Variants in DACH2 observed in about 807,000 individuals in gnomAD.
The protein encoded by DACH2 is dachshund family transcription factor 2.
In DACH2, 17 loss-of-function variants were observed where a neutral mutation model predicts 35.8. The observed-to-expected ratio is 0.48, with a 90% CI of 0.33 to 0.71. The LOEUF (loss-of-function observed/expected upper bound fraction) is 0.71, where lower values mean the gene tolerates loss of function less well. Ranked by LOEUF, DACH2 falls within the 30% of genes least tolerant of loss-of-function variation. The pLI is 0.02. For missense variants in DACH2, 469 were observed against 472.7 expected, an observed-to-expected ratio of 0.99 and a Z score of 0.07; for synonymous variants, 195 against 177.3, an observed-to-expected ratio of 1.10 and a Z score of -0.79.
At chrX:86,717,826 T>C (rs1457515452) in intron 6 of DACH2, among the ~76,000 whole-genome samples, 1 of 105,076 alleles carries the variant, frequency 9.5e-6, no homozygotes, top group Non-Finnish European at 1.9e-5. Context: ...CCTAAAAAAG[T>C]GCAAGATATA....
chrX:86,713,329 T>G (rs1179302452), intron 5 of DACH2, among the ~76,000 whole-genome samples: 1 of 111,715 alleles, frequency 9.0e-6, no homozygotes, highest in African/African-American at 3.2e-5. Context: ...ACTGCCACTT[T>G]GTTTTGAGGA....
intron 7 of DACH2, among the ~76,000 whole-genome samples, chrX:86,770,308 T>C (rs1026120767): frequency 3.6e-5 from 4 of 111,661 alleles, no homozygotes; most frequent in African/African-American, 1.3e-4. Flanking sequence ...TTTCAATGTG[T>C]TGAAGGATAC....
At chrX:86,450,769 G>A (rs1160807919) in intron 2 of DACH2, among the ~76,000 whole-genome samples, 2 of 109,524 alleles carry the variant, frequency 1.8e-5, no homozygotes, top group Non-Finnish European at 3.8e-5. Flanking sequence ...CATTCTGACT[G>A]GCATGAGATG....
chrX:86,806,699 C>T (rs1212910192), intron 7 of DACH2, among the ~76,000 whole-genome samples: 2 of 112,231 alleles, frequency 1.8e-5, no homozygotes, highest in Non-Finnish European at 3.8e-5. Context: ...GTGTGGATTA[C>T]TCCACTTGTG....
At chrX:86,465,930 C>T (rs756864989) in intron 2 of DACH2, among the ~76,000 whole-genome samples, 14 of 111,545 alleles carry the variant, frequency 1.3e-4, no homozygotes, top group African/African-American at 4.2e-4. Context: ...GCTGTACAAT[C>T]GATATGCAAA....
chrX:86,375,918 G>A (rs1253479876), intron 1 of DACH2, among the ~76,000 whole-genome samples: 3 of 110,339 alleles, frequency 2.7e-5, no homozygotes, highest in Non-Finnish European at 5.7e-5. Context: ...GTATTACTAA[G>A]AAGTACATTA....
At chrX:86,162,139 A>G (rs978832663) in intron 1 of DACH2, among the ~76,000 whole-genome samples, 5 of 111,001 alleles carry the variant, frequency 4.5e-5, no homozygotes, top group Admixed American at 3.8e-4. Flanking sequence ...AATGTAAATA[A>G]AATCCAAGAA....
At position 86,832,088 on chromosome X, in the gene DACH2, G is replaced by C; in HGVS notation, c.1751-18G>C. 8.8e-7 allele frequency: 1 copy of C among 1,140,853 alleles called. No homozygotes were observed. The highest frequency in any genetic ancestry group is 3.0e-5 in the East Asian group (1 of 33,110). The allele number at this position is 1,140,853 out of a possible 1,213,427, so 94.0% of individuals were successfully genotyped here. On this transcript the variant is annotated intron_variant, in intron 11 of 11. Transcript: ENST00000373125. ...AATGACTCTTCATAAGAACTAACTT[G>C]TTTTCTTTTTTTTTAAGGAGGTAAC...
At chrX:86,483,235 C>G (rs2037970213) in intron 2 of DACH2, among the ~76,000 whole-genome samples, 1 of 109,665 alleles carries the variant, frequency 9.1e-6, no homozygotes. Flanking sequence ...GCATCTTTAC[C>G]AGCCAATGGT....
chrX:86,296,839 A>G (rs992702240), intron 1 of DACH2, among the ~76,000 whole-genome samples: 1 of 110,217 alleles, frequency 9.1e-6, no homozygotes, highest in Admixed American at 9.7e-5. Context: ...GGGGGCATGT[A>G]TAGATTGTGC....
chrX:86,626,306 A>C (rs1382144430), intron 3 of DACH2, among the ~76,000 whole-genome samples: 2 of 112,805 alleles, frequency 1.8e-5, no homozygotes, highest in African/African-American at 6.4e-5. Context: ...CTGATGCAAG[A>C]GGTGGGTTCC....
At chrX:86,447,463 G>A (rs1428856136) in intron 2 of DACH2, among the ~76,000 whole-genome samples, 1 of 975 alleles carries the variant, frequency 1.0e-3, no homozygotes, top group Non-Finnish European at 2.2e-3. Flanking sequence ...ATCTTGAATT[G>A]ATTTTTGTAT....
At chrX:86,450,175 G>A (rs995259793) in intron 2 of DACH2, among the ~76,000 whole-genome samples, 1 of 110,557 alleles carries the variant, frequency 9.0e-6, no homozygotes, top group Non-Finnish European at 1.9e-5. Flanking sequence ...CCATCGCCTA[G>A]GTATTAAGCC....
chrX:86,344,539 C>T (rs1398109069), intron 1 of DACH2, among the ~76,000 whole-genome samples: 2 of 110,474 alleles, frequency 1.8e-5, no homozygotes, highest in Non-Finnish European at 3.8e-5. Context: ...TTAGAGAAAT[C>T]ATACCTTTTA....
chrX:86,202,007 G>A (rs891013080), intron 1 of DACH2, among the ~76,000 whole-genome samples: 1 of 111,139 alleles, frequency 9.0e-6, no homozygotes, highest in Non-Finnish European at 1.9e-5. Flanking sequence ...AGTAAAAAAC[G>A]TGAAAATTTG....
chrX:86,179,649 G>A (rs2031411843), intron 1 of DACH2, among the ~76,000 whole-genome samples: 1 of 111,645 alleles, frequency 9.0e-6, no homozygotes, highest in African/African-American at 3.2e-5. Context: ...CACATTTTTA[G>A]TAAGGCAAAT....
chrX:86,759,564 T>G (rs373663510), intron 7 of DACH2, among the ~76,000 whole-genome samples: 141 of 108,975 alleles, frequency 1.3e-3, no homozygotes, highest in African/African-American at 4.5e-3. Context: ...TTGTTTGTTT[T>G]TTTTTTTTTT....
intron 4 of DACH2, among the ~76,000 whole-genome samples, chrX:86,659,277 T>C (rs979897577): frequency 9.0e-6 from 1 of 111,052 alleles, no homozygotes; most frequent in African/African-American, 3.3e-5. Context: ...GAAGGAACTA[T>C]TGTTTTTTCA....
intron 2 of DACH2, among the ~76,000 whole-genome samples, chrX:86,510,095 G>C (rs1157589682): frequency 8.9e-6 from 1 of 111,905 alleles, no homozygotes; most frequent in Non-Finnish European, 1.9e-5. Context: ...ATTCCTTGCT[G>C]AATCAAGGAC....
Sources: allele counts gnomAD v4.1 joint callset (sites outside exome capture counted in the v4.1 genomes callset), GRCh38; gene constraint gnomAD v4.1.1; transcripts MANE v1.5; gene names NCBI Gene and HGNC (gene_info 2026-07-23, HGNC 2026-07-21).